Variants in PHACTR3 observed in about 807,000 individuals in gnomAD.
The protein encoded by PHACTR3 is phosphatase and actin regulator 3, also known as protein phosphatase 1, regulatory subunit 123.
In PHACTR3, 16 loss-of-function variants were observed where a neutral mutation model predicts 66.8. The observed-to-expected ratio is 0.24, with a 90% CI of 0.16 to 0.36. PHACTR3 has a LOEUF of 0.36. Among genes scored for constraint, PHACTR3 ranks in the 10% least tolerant of loss-of-function variants. The probability of loss-of-function intolerance (pLI) is 1.00; values close to 1 mark genes in which losing one functional copy is unlikely to be tolerated. For synonymous variants in PHACTR3, 323 were observed against 292.1 expected (o/e 1.11, Z -1.08); for missense variants, 647 against 719.9 (o/e 0.90, Z 1.16).
intron 1 of PHACTR3, among the ~76,000 whole-genome samples, chr20:59,677,632 A>G (rs938829236): frequency 1.3e-5 from 2 of 152,198 alleles, no homozygotes; most frequent in African/African-American, 4.8e-5. Context: ...TCAGGATCCC[A>G]AGGACTTCAG....
rs777742034 is a variant in PHACTR3, at chr20:59,840,457, T to A, written c.1446+27T>A. The A allele has an allele frequency of 1.9e-6, 3 of 1,611,522 alleles. No homozygotes were observed. The South Asian group carries it at 3.3e-5, about 18-fold the overall frequency. ...TAGTATAAGCATTTTATTGCCTGAA[T>A]AATAAAAGGTGGTCTAGAGAACAGC... On this transcript the variant is annotated intron_variant, in intron 10 of 12. Transcript: ENST00000371015.
chr20:59,741,709 C>T (rs978838960), intron 1 of PHACTR3, among the ~76,000 whole-genome samples: 1 of 151,832 alleles, frequency 6.6e-6, no homozygotes, highest in Admixed American at 6.6e-5. Flanking sequence ...ACATCTCCCT[C>T]TCTCCCCCGC....
At chr20:59,603,198 C>T (rs2146328310), upstream of PHACTR3, among the ~76,000 whole-genome samples, 1 of 152,280 alleles carries the variant, frequency 6.6e-6, no homozygotes, top group South Asian at 2.1e-4. Context: ...ATTTGGGCAT[C>T]TTATTAGTGT....
chr20:59,722,091 G>A (rs2038327963), intron 1 of PHACTR3, among the ~76,000 whole-genome samples: 2 of 152,260 alleles, frequency 1.3e-5, no homozygotes, highest in South Asian at 2.1e-4. Context: ...AATTAGCCGG[G>A]TGTGGTGGCG....
At chr20:59,741,656 C>T (rs539665835) in intron 1 of PHACTR3, among the ~76,000 whole-genome samples, 1 of 152,134 alleles carries the variant, frequency 6.6e-6, no homozygotes, top group Non-Finnish European at 1.5e-5. Context: ...ATCTTTCCTA[C>T]TAAGGGACAC....
intron 1 of PHACTR3, among the ~76,000 whole-genome samples, chr20:59,696,185 G>A (rs1418441953): frequency 4.6e-5 from 7 of 152,204 alleles, no homozygotes; most frequent in African/African-American, 1.7e-4. Context: ...GCATGCTTTG[G>A]TGCTAGCACA....
At chr20:59,835,517 C>T (rs1234899005) in intron 8 of PHACTR3, among the ~76,000 whole-genome samples, 1 of 152,140 alleles carries the variant, frequency 6.6e-6, no homozygotes, top group Non-Finnish European at 1.5e-5. Flanking sequence ...TATTATGGCC[C>T]TAAATTCTAG....
chr20:59,587,295 T>C (rs528621064), intron 1 of PHACTR3, among the ~76,000 whole-genome samples: 3 of 152,228 alleles, frequency 2.0e-5, no homozygotes, highest in Non-Finnish European at 4.4e-5. Context: ...GTGGAGGAGA[T>C]GCAGGTTGCA....
chr20:59,813,124 G>C (rs1269299459), intron 8 of PHACTR3, among the ~76,000 whole-genome samples: 1 of 152,192 alleles, frequency 6.6e-6, no homozygotes, highest in Non-Finnish European at 1.5e-5. Context: ...TGAGTCCTTT[G>C]CCCGCTGATG....
At chr20:59,805,781 G>T (rs1050940537) in intron 7 of PHACTR3, among the ~76,000 whole-genome samples, 6 of 152,214 alleles carry the variant, frequency 3.9e-5, no homozygotes, top group Non-Finnish European at 8.8e-5. Flanking sequence ...GCAGGTGTCA[G>T]CCGGGACTGT....
At chr20:59,663,058 C>T (rs953616777) in intron 1 of PHACTR3, among the ~76,000 whole-genome samples, 3 of 152,226 alleles carry the variant, frequency 2.0e-5, no homozygotes, top group African/African-American at 4.8e-5. Context: ...GCCTCTCTAG[C>T]GTCTGGGGGC....
chr20:59,815,178 G>A (rs979420101), intron 8 of PHACTR3, among the ~76,000 whole-genome samples: 2 of 152,272 alleles, frequency 1.3e-5, no homozygotes, highest in East Asian at 1.9e-4. Flanking sequence ...CACATGAGGA[G>A]GGACCTCATC....
rs895423626 is a variant in PHACTR3, at chr20:59,736,969, G to A, written c.119-6138G>A. Among the ~76,000 whole-genome samples, 9 of 152,162 alleles carry A rather than the reference G, an allele frequency of 5.9e-5. No homozygotes were observed. The highest frequency in any genetic ancestry group is 1.3e-4 in the Non-Finnish European group (9 of 68,026). ...GTTGAGCCCCTTGAGGAGCTGCTTA[G>A]ACTAAGGCATCTGTCCTGGTCAATG... On this transcript the variant is annotated intron_variant, in intron 1 of 12. Transcript: ENST00000371015. The surrounding 1 kb of genome is among the most constrained non-coding windows in gnomAD (Gnocchi z 4.6).
chr20:59,788,271 C>T (rs1271162009), intron 7 of PHACTR3, among the ~76,000 whole-genome samples: 1 of 152,212 alleles, frequency 6.6e-6, no homozygotes, highest in African/African-American at 2.4e-5. Context: ...CGTCATCGTA[C>T]AGATGCGTTT....
At chr20:59,778,345 C>CCCTCTCCCGGCTCG (rs1262129008) in intron 7 of PHACTR3, among the ~76,000 whole-genome samples, 1 of 152,174 alleles carries the variant, frequency 6.6e-6, no homozygotes, top group African/African-American at 2.4e-5. Context: ...TGGCCTGCCT[C>CCCTCTCCCGGCTCG]CCTCTCCCGG....
At chr20:59,686,728 A>T (rs1277022009) in intron 1 of PHACTR3, among the ~76,000 whole-genome samples, 1 of 125,786 alleles carries the variant, frequency 8.0e-6, no homozygotes, top group Non-Finnish European at 1.7e-5. Context: ...GGTGGTTATG[A>T]TGATGGTGGT....
At chr20:59,694,856 T>A (rs1269196306) in intron 1 of PHACTR3, among the ~76,000 whole-genome samples, 1 of 152,106 alleles carries the variant, frequency 6.6e-6, no homozygotes, top group Non-Finnish European at 1.5e-5. Flanking sequence ...ATAGTGCAGG[T>A]GCTCAGAGGG....
chr20:59,738,205 TAGTA>T lies in PHACTR3; in HGVS notation c.119-4898_119-4895del. Among the ~76,000 whole-genome samples the T allele has an allele frequency of 6.6e-6, 1 of 152,036 alleles. No homozygotes were observed. Among genetic ancestry groups the T allele is most frequent in the Non-Finnish European group, 1.5e-5 (1 of 67,950 alleles). ...GGGAGTCAATGCTTCAACCTCCTGT[TAGTA>T]AGTGGCAGGGCCAGGAGGGGAGCCT... On this transcript the variant is annotated intron_variant, in intron 1 of 12. Coordinates refer to ENST00000371015, the MANE Select transcript of PHACTR3 (RefSeq NM_080672.5). The surrounding 1 kb of genome is among the most constrained non-coding windows in gnomAD (Gnocchi z 4.4).
At chr20:59,843,177 A>G (rs1413317622) in intron 11 of PHACTR3, among the ~76,000 whole-genome samples, 1 of 152,140 alleles carries the variant, frequency 6.6e-6, no homozygotes, top group Non-Finnish European at 1.5e-5. Flanking sequence ...AGACCTCTAC[A>G]AGGAAAACTA....
Sources: allele counts gnomAD v4.1 joint callset (sites outside exome capture counted in the v4.1 genomes callset), GRCh38; gene constraint gnomAD v4.1.1; non-coding constraint Gnocchi (gnomAD v3.1); transcripts MANE v1.5; gene names NCBI Gene and HGNC (gene_info 2026-07-23, HGNC 2026-07-21).